Variants in ST3GAL5 observed in about 807,000 individuals in gnomAD.
The protein encoded by ST3GAL5 is lactosylceramide alpha-2,3-sialyltransferase.
In ST3GAL5, 25 loss-of-function variants were observed where a neutral mutation model predicts 46.1. That is an observed-to-expected ratio of 0.54 (90% CI 0.40 to 0.76). The LOEUF is 0.76. Among genes scored for constraint, ST3GAL5 ranks in the 30% least tolerant of loss-of-function variants. ST3GAL5 has a pLI of 0.00. For synonymous variants in ST3GAL5, 182 were observed against 192.7 expected, an observed-to-expected ratio of 0.94 and a Z score of 0.46; for missense variants, 431 against 521.2, an observed-to-expected ratio of 0.83 and a Z score of 1.69.
chr2:85,875,008 C>T (rs944542465), intron 1 of ST3GAL5, among the ~76,000 whole-genome samples: 1 of 151,966 alleles, frequency 6.6e-6, no homozygotes, highest in Non-Finnish European at 1.5e-5. Flanking sequence ...GCTAGGGGAA[C>T]AATATAAAAT....
intron 3 of ST3GAL5, among the ~76,000 whole-genome samples, chr2:85,859,123 T>C (rs1684460168): frequency 6.6e-6 from 1 of 152,150 alleles, no homozygotes; most frequent in African/African-American, 2.4e-5. Flanking sequence ...ACACACCTTC[T>C]CCACCCTGTG....
At chr2:85,861,657 A>AAAG (rs1296739225) in intron 2 of ST3GAL5, among the ~76,000 whole-genome samples, 1 of 150,880 alleles carries the variant, frequency 6.6e-6, no homozygotes, top group East Asian at 1.9e-4. Flanking sequence ...AAAAAAAAAA[A>AAAG]AAAAAAGAAA....
At chr2:85,883,439 T>G (rs1417781287) in intron 1 of ST3GAL5, among the ~76,000 whole-genome samples, 1 of 152,196 alleles carries the variant, frequency 6.6e-6, no homozygotes, top group Non-Finnish European at 1.5e-5. Flanking sequence ...TAAACCTCTT[T>G]CTTTTGTAAA....
chr2:85,863,508 C>A (rs1484142050), intron 1 of ST3GAL5, 23 bp from the exon 2 acceptor site: 1 of 1,613,422 alleles, frequency 6.2e-7, no homozygotes, highest in Non-Finnish European at 8.5e-7. Flanking sequence ...GCGAAGAGGG[C>A]AGTGGGGAAA....
intron 1 of ST3GAL5, among the ~76,000 whole-genome samples, chr2:85,881,760 G>A (rs1464718525): frequency 1.7e-5 from 2 of 118,660 alleles, no homozygotes; most frequent in Non-Finnish European, 3.5e-5. Flanking sequence ...CATAAAAGTT[G>A]AGAAAATTTG....
intron 1 of ST3GAL5, among the ~76,000 whole-genome samples, chr2:85,877,950 A>G (rs990979875): frequency 3.3e-5 from 5 of 152,208 alleles, no homozygotes; most frequent in Admixed American, 1.3e-4. Context: ...TAATTTCTCT[A>G]TTGGTGCTTC....
Position 85,863,709 on chromosome 2 carries a change from CT to C in ST3GAL5, c.83-225del, listed in dbSNP as rs144021958. On this transcript the variant is annotated intron_variant, in intron 1 of 6. Transcript: ENST00000638572. ...TACATACTGTATGATTCTCAACATT[CT>C]TTTTTTTTTTTTTCTGAGACGGAGT... 0.047 allele frequency among the ~76,000 whole-genome samples: 6,827 copies of C among 144,658 alleles called. 197 individuals are homozygous for C. Among genetic ancestry groups the C allele is most frequent in the East Asian group, 0.11 (569 of 5,006 alleles). 94.9% of individuals were successfully genotyped at this position (144,658 alleles called of 152,430 possible).
At chr2:85,848,529 C>T in intron 3 of ST3GAL5, 1 of 646,298 alleles carries the variant, frequency 1.5e-6, no homozygotes, top group East Asian at 5.6e-5. Flanking sequence ...GTGTCTAAGA[C>T]TTCATGTTTC....
In ST3GAL5 at chr2:85,837,740, A is replaced by G. The variant is rs945433612; in HGVS notation, c.*2404T>C. 6.6e-6 allele frequency: 1 copy of G among 152,176 alleles called. No individual in the cohort carries two copies. The highest frequency in any genetic ancestry group is 1.5e-5 in the Non-Finnish European group (1 of 68,024). 9.4% of individuals were successfully genotyped at this position (152,176 alleles called of 1,614,324 possible). On this transcript the variant is annotated 3_prime_UTR_variant, in exon 7 of 7. Transcript: ENST00000638572. ...AAAATTAAAATTAAAAAACCCTAAA[A>G]CTGAAATTTTCTGCAGCTCAAAGTT...
chr2:85,871,731 T>C (rs1461501083), intron 1 of ST3GAL5, among the ~76,000 whole-genome samples: 1 of 152,126 alleles, frequency 6.6e-6, no homozygotes, highest in African/African-American at 2.4e-5. Flanking sequence ...TCCACACCCA[T>C]ACTTTTCCAG....
chr2:85,845,864 C>CTA lies in ST3GAL5; in HGVS notation c.849+512_849+513insTA, dbSNP rs59910220. On this transcript the variant is annotated intron_variant, in intron 5 of 6. Coordinates refer to ENST00000638572, the MANE Select transcript of ST3GAL5 (RefSeq NM_003896.4). ...AAATTATAAACACCCTCACCACTGTCTCTACCAGGAATTCTCCAACCTGCC... is the reference window on the plus strand; with the variant it reads ...AAATTATAAACACCCTCACCACTGTCTATCTACCAGGAATTCTCCAACCTGCC... 585 of 164,842 alleles carry CTA rather than the reference C, an allele frequency of 3.5e-3. 1 individual carries two copies. The highest frequency in any genetic ancestry group is 0.013 in the African/African-American group (536 of 41,666). 10.2% of individuals were successfully genotyped at this position (164,842 alleles called of 1,614,324 possible).
At chr2:85,867,262 T>A (rs1457416919) in intron 1 of ST3GAL5, among the ~76,000 whole-genome samples, 1 of 152,228 alleles carries the variant, frequency 6.6e-6, no homozygotes, top group Non-Finnish European at 1.5e-5. Context: ...ACTGACAGCA[T>A]CAGTGTAACC....
At chr2:85,855,683 T>G (rs1032145253) in intron 3 of ST3GAL5, 1 of 152,152 alleles carries the variant, frequency 6.6e-6, no homozygotes, top group African/African-American at 2.4e-5. Flanking sequence ...AGAAAATACT[T>G]GGAAATCACA....
chr2:85,873,874 G>C (rs1027846721), intron 1 of ST3GAL5, among the ~76,000 whole-genome samples: 1 of 152,212 alleles, frequency 6.6e-6, no homozygotes, highest in East Asian at 1.9e-4. Flanking sequence ...CCTGGTGGTA[G>C]GTCCAGGTGA....
In ST3GAL5 at chr2:85,840,031, TAAA is replaced by T; in HGVS notation, c.*110_*112del. On this transcript the variant is annotated 3_prime_UTR_variant, in exon 7 of 7. Transcript: ENST00000638572. ...TTTTTTGTGTTTTTAAATTAAAAGT[TAAA>T]AACATGAGCTGCACTTCAAAGTATC... is the stretch of plus-strand genomic sequence containing the variant. 1 of 1,516,278 alleles carries T rather than the reference TAAA, an allele frequency of 6.6e-7. No homozygotes were observed. The highest frequency in any genetic ancestry group is 9.0e-7 in the Non-Finnish European group (1 of 1,115,170). The allele number at this position is 1,516,278 out of a possible 1,614,324, so 93.9% of individuals were successfully genotyped here.
intron 4 of ST3GAL5, 81 bp from the exon 5 acceptor site, chr2:85,846,644 T>C: frequency 1.5e-6 from 2 of 1,357,598 alleles, no homozygotes; most frequent in South Asian, 2.4e-5. Context: ...ATCCATGTCA[T>C]GTCCTCCACG....
chr2:85,876,250 C>G (rs1686548203), intron 1 of ST3GAL5, among the ~76,000 whole-genome samples: 1 of 152,060 alleles, frequency 6.6e-6, no homozygotes, highest in Non-Finnish European at 1.5e-5. Context: ...GCCTGGGAAG[C>G]CTCTTTCAGG....
chr2:85,876,567 A>G lies in ST3GAL5; in HGVS notation c.82+12257T>C, dbSNP rs150484740. Among the ~76,000 whole-genome samples, 507 of 142,360 alleles carry G rather than the reference A, an allele frequency of 3.6e-3. 29 individuals carry two copies. The East Asian group carries it at 0.092, about 26-fold the overall frequency. 93.4% of individuals were successfully genotyped at this position (142,360 alleles called of 152,430 possible). A position where few individuals can be genotyped will look rare whatever the true frequency, so the allele number is the denominator to read the frequency against. On this transcript the variant is annotated intron_variant, in intron 1 of 6. Coordinates refer to ENST00000638572, the MANE Select transcript of ST3GAL5 (RefSeq NM_003896.4). ...ACCTCCGCCTCCCAGGTTTCAAGGG[A>G]TTCTCCTGCCTCAACCTCCAGAGTA...
At chr2:85,844,643 AC>A in intron 5 of ST3GAL5, 89 bp from the exon 6 acceptor site, 1 of 1,573,494 alleles carries the variant, frequency 6.4e-7, no homozygotes, top group Non-Finnish European at 8.7e-7. Flanking sequence ...TGTGGGTGTG[AC>A]CCCATGTGGC....
Sources: gnomAD v4.1 joint callset for allele counts (sites outside exome capture counted in the v4.1 genomes callset) on GRCh38, gnomAD v4.1.1 for gene constraint, MANE v1.5 for transcripts, NCBI Gene and HGNC (gene_info 2026-07-23, HGNC 2026-07-21) for gene names.